Variants in ZNRF1 observed in about 807,000 individuals in gnomAD.
ZNRF1 encodes the protein zinc and ring finger 1, also known as E3 ubiquitin-protein ligase ZNRF1.
In ZNRF1, 3 loss-of-function variants were observed where a neutral mutation model predicts 18.4. The observed-to-expected ratio is 0.16, with a 90% CI of 0.07 to 0.42. The LOEUF (loss-of-function observed/expected upper bound fraction) is 0.42, where lower values mean the gene tolerates loss of function less well. Ranked by LOEUF, ZNRF1 falls within the 10% of genes least tolerant of loss-of-function variation. The pLI is 0.99. For missense variants in ZNRF1, 310 were observed against 329.8 expected (o/e 0.94, Z 0.47); for synonymous variants, 157 against 144.2 (o/e 1.09, Z -0.64).
chr16:75,098,665 A>C (rs1211739133), intron 2 of ZNRF1, among the ~76,000 whole-genome samples: 1 of 152,208 alleles, frequency 6.6e-6, no homozygotes, highest in African/African-American at 2.4e-5. Flanking sequence ...AAATGAGGTC[A>C]GGGGGTGGAA....
At chr16:75,027,984 C>T (rs571033222) in intron 1 of ZNRF1, among the ~76,000 whole-genome samples, 3 of 152,308 alleles carry the variant, frequency 2.0e-5, no homozygotes, top group African/African-American at 7.2e-5. Context: ...TGGCACTCGC[C>T]ACCGTATCCA....
intron 1 of ZNRF1, among the ~76,000 whole-genome samples, chr16:75,053,106 A>G (rs1254206986): frequency 2.0e-5 from 3 of 152,194 alleles, no homozygotes; most frequent in African/African-American, 7.2e-5. Flanking sequence ...CTGAAGCTCT[A>G]TTTATAGATC....
At chr16:75,079,662 T>C (rs978762694) in intron 1 of ZNRF1, among the ~76,000 whole-genome samples, 1 of 152,130 alleles carries the variant, frequency 6.6e-6, no homozygotes, top group African/African-American at 2.4e-5. Flanking sequence ...TGCACTGCTG[T>C]TTACCTTTTG....
intron 1 of ZNRF1, among the ~76,000 whole-genome samples, chr16:75,012,122 C>A (rs952825705): frequency 6.6e-6 from 1 of 152,170 alleles, no homozygotes; most frequent in African/African-American, 2.4e-5. Flanking sequence ...GGGAACATAA[C>A]CAAAGGCTGC....
At chr16:75,086,386 T>C (rs2036074582) in intron 1 of ZNRF1, among the ~76,000 whole-genome samples, 1 of 152,206 alleles carries the variant, frequency 6.6e-6, no homozygotes, top group African/African-American at 2.4e-5. Context: ...AGAACAGAAC[T>C]GCAGAGGTTG....
intron 2 of ZNRF1, among the ~76,000 whole-genome samples, chr16:75,100,287 T>C (rs1160386711): frequency 6.6e-6 from 1 of 152,220 alleles, no homozygotes; most frequent in Non-Finnish European, 1.5e-5. Context: ...TGTGGAGTGG[T>C]GAGGAAAGGC....
chr16:75,085,810 G>GAGAGAGAC (rs2036066238), intron 1 of ZNRF1, among the ~76,000 whole-genome samples: 1 of 147,718 alleles, frequency 6.8e-6, no homozygotes, highest in Admixed American at 6.7e-5. Context: ...GAGAGAGAGA[G>GAGAGAGAC]AGAGAGAGTG....
Position 74,999,621 on chromosome 16 carries a change from G to A in ZNRF1, c.-51G>A, listed in dbSNP as rs1329215556. 3.1e-6 allele frequency: 4 copies of A among 1,269,950 alleles called. No individual in the cohort carries two copies. The highest frequency in any genetic ancestry group is 4.0e-6 in the Non-Finnish European group (4 of 996,478). The allele number at this position is 1,269,950 out of a possible 1,614,324, so 78.7% of individuals were successfully genotyped here. A position where few individuals can be genotyped will look rare whatever the true frequency, so the allele number is the denominator to read the frequency against. ...AGCCCTCCCCCTGCTGCTGAGAAGT[G>A]GGGGAGGGTCTCGGCCTCCAGGTTC... is the stretch of plus-strand genomic sequence containing the variant. On this transcript the variant is annotated 5_prime_UTR_variant, in exon 1 of 5. Coordinates refer to ENST00000335325, the MANE Select transcript of ZNRF1 (RefSeq NM_032268.5).
At chr16:75,038,200 G>T (rs994443122) in intron 1 of ZNRF1, among the ~76,000 whole-genome samples, 47 of 152,170 alleles carry the variant, frequency 3.1e-4, no homozygotes, top group African/African-American at 1.1e-3. Flanking sequence ...TTCAGGCAGG[G>T]CTCAGCTGGA....
chr16:75,034,614 G>A (rs915642684), intron 1 of ZNRF1, among the ~76,000 whole-genome samples: 4 of 152,062 alleles, frequency 2.6e-5, no homozygotes, highest in African/African-American at 7.3e-5. Flanking sequence ...CCTGCTTTCC[G>A]TTCTTTCGAT....
At chr16:75,057,048 T>C (rs1036342682) in intron 1 of ZNRF1, among the ~76,000 whole-genome samples, 1 of 152,228 alleles carries the variant, frequency 6.6e-6, no homozygotes, top group African/African-American at 2.4e-5. Context: ...AGTCTTGTTT[T>C]GATGGACATT....
chr16:75,094,142 TCGAACTCGGA>T (rs1486652126), intron 2 of ZNRF1, among the ~76,000 whole-genome samples: 4 of 152,142 alleles, frequency 2.6e-5, no homozygotes, highest in Non-Finnish European at 5.9e-5. Context: ...CTTGTCACGT[TCGAACTCGGA>T]CGAACACCTG....
intron 1 of ZNRF1, among the ~76,000 whole-genome samples, chr16:75,044,253 G>A (rs936405442): frequency 3.3e-5 from 5 of 151,940 alleles, no homozygotes; most frequent in South Asian, 2.1e-4. Context: ...TTTTTGAGAC[G>A]GAGTCTCTCT....
In ZNRF1 at chr16:75,046,418, A is replaced by C. The variant is rs567386812; in HGVS notation, c.424+46323A>C. 3.5e-5 allele frequency among the ~76,000 whole-genome samples: 5 copies of C among 144,038 alleles called. No individual in the cohort carries two copies. The East Asian group carries it at 1.1e-3, about 31-fold the overall frequency. 94.5% of individuals were successfully genotyped at this position (144,038 alleles called of 152,430 possible). On this transcript the variant is annotated intron_variant, in intron 1 of 4. Transcript: ENST00000335325. ...AGGCATGTGCCACCACGCCCAGCTA[A>C]GTTTTGTATTTTTAGTGGAGACGGG...
At chr16:75,003,427 G>T (rs931403096) in intron 1 of ZNRF1, among the ~76,000 whole-genome samples, 2 of 152,176 alleles carry the variant, frequency 1.3e-5, no homozygotes, top group African/African-American at 2.4e-5. Context: ...ACATGAATTT[G>T]AGTACTTTAT....
chr16:75,091,981 GAA>G (rs2145420342), intron 1 of ZNRF1, among the ~76,000 whole-genome samples: 1 of 152,122 alleles, frequency 6.6e-6, no homozygotes, highest in Admixed American at 6.6e-5. Flanking sequence ...TAAGGAGAGA[GAA>G]AATAAAATGT....
At chr16:75,036,453 C>G (rs2145356328) in intron 1 of ZNRF1, among the ~76,000 whole-genome samples, 1 of 152,246 alleles carries the variant, frequency 6.6e-6, no homozygotes, top group Non-Finnish European at 1.5e-5. Context: ...TTAATCCAGA[C>G]TGACAGTCTT....
chr16:75,067,193 A>T (rs1391510459), intron 1 of ZNRF1, among the ~76,000 whole-genome samples: 3 of 152,166 alleles, frequency 2.0e-5, no homozygotes, highest in Non-Finnish European at 4.4e-5. Context: ...TGCACTAAGT[A>T]TAGGTTGACT....
At chr16:75,041,491 G>A (rs905612719) in intron 1 of ZNRF1, among the ~76,000 whole-genome samples, 8 of 151,758 alleles carry the variant, frequency 5.3e-5, no homozygotes, top group Non-Finnish European at 1.0e-4. Context: ...CGCCATATCC[G>A]GCTAATTTTT....
Sources: gnomAD v4.1 joint callset for allele counts (sites outside exome capture counted in the v4.1 genomes callset) on GRCh38, gnomAD v4.1.1 for gene constraint, MANE v1.5 for transcripts, NCBI Gene and HGNC (gene_info 2026-07-23, HGNC 2026-07-21) for gene names.